LRRC7: variants seen among roughly 807,000 people sequenced by gnomAD.
LRRC7 encodes the protein leucine rich repeat containing 7.
LRRC7 carries 23 observed loss-of-function variants against 175.7 expected under a neutral mutation model. The ratio of observed to expected loss-of-function variants is 0.13; its 90% CI spans 0.09 to 0.19. LRRC7 has a LOEUF of 0.19. LRRC7 is among the 10% of genes least tolerant of loss of function. The pLI is 1.00. For synonymous variants in LRRC7, 685 were observed against 680.9 expected (o/e 1.01, Z -0.09); for missense variants, 1,354 against 1,904.7 (o/e 0.71, Z 5.38).
rs769923734 is a variant in LRRC7 at position 69,834,786 on chromosome 1, T to C, written c.507T>C (p.Pro169=). 1.4e-5 allele frequency: 23 copies of C among 1,612,732 alleles called. No individual in the cohort carries two copies. The highest frequency in any genetic ancestry group is 1.8e-5 in the Non-Finnish European group (21 of 1,179,120). The change falls in exon 6 of 27, where the codon CCT becomes CCC. Residue 169 remains proline (P), a synonymous_variant. Transcript: ENST00000651989. ...AACTTTAACTCCTTTTTAGACTACC[T>C]GATGGCTTCACACAGCTCCTAAACC... ...EASVNPISKL[P]DGFTQLLNLT...
chr1:69,925,163 G>A (rs949978600), intron 7 of LRRC7, among the ~76,000 whole-genome samples: 61 of 152,148 alleles, frequency 4.0e-4, no homozygotes, highest in African/African-American at 1.4e-3. Context: ...CTTGATCATG[G>A]TGGATAAGCT....
chr1:70,108,184 G>C (rs555581063), intron 26 of LRRC7, among the ~76,000 whole-genome samples: 1 of 151,686 alleles, frequency 6.6e-6, no homozygotes, highest in East Asian at 1.9e-4. Context: ...ACTTTCATGA[G>C]GGAGAAGGAA....
intron 7 of LRRC7, among the ~76,000 whole-genome samples, chr1:69,911,374 C>T (rs1169577951): frequency 6.6e-6 from 1 of 152,184 alleles, no homozygotes; most frequent in African/African-American, 2.4e-5. Flanking sequence ...GAGAAATTGC[C>T]AAACTGCTTT....
chr1:69,948,434 A>G (rs1045445335), intron 8 of LRRC7, among the ~76,000 whole-genome samples: 14 of 152,122 alleles, frequency 9.2e-5, no homozygotes, highest in African/African-American at 3.4e-4. Context: ...CCAACTGTAA[A>G]GTAATTATAT....
At chr1:69,991,783 T>C (rs1198403618) in intron 10 of LRRC7, among the ~76,000 whole-genome samples, 1 of 152,124 alleles carries the variant, frequency 6.6e-6, no homozygotes, top group African/African-American at 2.4e-5. Context: ...TTAGTTCCTC[T>C]GCAGCTATCG....
At chr1:69,972,938 A>T (rs1046765538) in intron 8 of LRRC7, among the ~76,000 whole-genome samples, 3 of 146,448 alleles carry the variant, frequency 2.0e-5, no homozygotes, top group African/African-American at 5.0e-5. Context: ...ATATATATTT[A>T]TATATATATA....
intron 8 of LRRC7, among the ~76,000 whole-genome samples, chr1:69,940,444 C>T (rs1383068006): frequency 2.0e-5 from 3 of 152,136 alleles, no homozygotes; most frequent in Middle Eastern, 3.4e-3. Context: ...ATGGATTTTT[C>T]TGAGAACGGC....
At chr1:69,606,092 A>T (rs1647513531) in intron 1 of LRRC7, among the ~76,000 whole-genome samples, 1 of 152,164 alleles carries the variant, frequency 6.6e-6, no homozygotes, top group African/African-American at 2.4e-5. Flanking sequence ...TTCTGGACTG[A>T]ACTAATTCCC....
chr1:69,777,315 A>G (rs1672923133), intron 3 of LRRC7, among the ~76,000 whole-genome samples: 1 of 152,180 alleles, frequency 6.6e-6, no homozygotes, highest in Non-Finnish European at 1.5e-5. Context: ...TAAATGGAAT[A>G]GGGAGGCCAA....
intron 7 of LRRC7, among the ~76,000 whole-genome samples, chr1:69,923,503 T>C (rs967493353): frequency 3.4e-4 from 51 of 152,230 alleles, no homozygotes; most frequent in African/African-American, 1.1e-3. Flanking sequence ...TTTTAATGAT[T>C]GCCATTCTAA....
intron 1 of LRRC7, among the ~76,000 whole-genome samples, chr1:69,579,453 A>G (rs1436898840): frequency 1.3e-5 from 2 of 152,150 alleles, no homozygotes; most frequent in East Asian, 1.9e-4. Context: ...GGATACTTCA[A>G]TATATGGACC....
intron 4 of LRRC7, among the ~76,000 whole-genome samples, chr1:69,823,249 G>A (rs1164385888): frequency 6.6e-6 from 1 of 152,016 alleles, no homozygotes; most frequent in Non-Finnish European, 1.5e-5. Context: ...TGTGTTCTCA[G>A]TTTACTCTTC....
rs1312047694 is a variant in LRRC7 at position 70,127,353 on chromosome 1, T to G, written c.*5466T>G. The stretch of plus-strand genomic sequence containing the variant: ...AGGATATAAATTGCACAGCTTCTAC[T>G]TTGGAGAATTCAGAGATTTTTGAAA... On this transcript the variant is annotated 3_prime_UTR_variant, in exon 27 of 27. Transcript: ENST00000651989. Among the ~76,000 whole-genome samples the G allele has an allele frequency of 2.6e-5, 4 of 152,302 alleles. No individual in the cohort carries two copies. The highest frequency in any genetic ancestry group is 4.2e-4 in the South Asian group (2 of 4,814).
At chr1:69,865,533 T>TGCAGTG (rs1490345586) in intron 7 of LRRC7, among the ~76,000 whole-genome samples, 2 of 135,994 alleles carry the variant, frequency 1.5e-5, no homozygotes, top group Non-Finnish European at 3.0e-5. Flanking sequence ...CTGGATGGAG[T>TGCAGTG]GCAGTGGCCC....
At chr1:69,842,632 G>T (rs1013814746) in intron 7 of LRRC7, among the ~76,000 whole-genome samples, 8 of 152,014 alleles carry the variant, frequency 5.3e-5, no homozygotes, top group Non-Finnish European at 7.4e-5. Flanking sequence ...ATTCAAAATT[G>T]GGAAAGTGGA....
At chr1:70,112,320 A>G (rs1457421094) in intron 26 of LRRC7, among the ~76,000 whole-genome samples, 1 of 152,168 alleles carries the variant, frequency 6.6e-6, no homozygotes. Flanking sequence ...TTTGATGCCC[A>G]TTAGACCTAT....
intron 2 of LRRC7, among the ~76,000 whole-genome samples, chr1:69,691,397 A>G (rs61783982): frequency 0.23 from 35,357 of 151,988 alleles, 4,240 homozygotes; most frequent in Middle Eastern, 0.35. Flanking sequence ...TTAAGGGCAA[A>G]CAGACGCATC....
At chr1:69,734,612 C>A (rs2100830281) in intron 2 of LRRC7, among the ~76,000 whole-genome samples, 1 of 151,814 alleles carries the variant, frequency 6.6e-6, no homozygotes, top group Admixed American at 6.6e-5. Flanking sequence ...TCTAAATTTT[C>A]TTTGCTTTTA....
intron 7 of LRRC7, among the ~76,000 whole-genome samples, chr1:69,877,929 G>A (rs1187448116): frequency 2.6e-5 from 4 of 152,070 alleles, no homozygotes; most frequent in Admixed American, 6.6e-5. Flanking sequence ...AAAACAACAC[G>A]TGTGATAAGG....
Sources: gnomAD v4.1 joint callset for allele counts (sites outside exome capture counted in the v4.1 genomes callset) on GRCh38, gnomAD v4.1.1 for gene constraint, MANE v1.5 for transcripts, NCBI Gene and HGNC (gene_info 2026-07-23, HGNC 2026-07-21) for gene names.